Variants in NRXN3 observed in about 807,000 individuals in gnomAD.
NRXN3 encodes the protein neurexin III.
NRXN3 carries 32 observed loss-of-function variants against 137.6 expected under a neutral mutation model. The observed-to-expected ratio is 0.23, with a 90% confidence interval of 0.18 to 0.31. NRXN3 has a LOEUF of 0.31. Among genes scored for constraint, NRXN3 ranks in the 10% least tolerant of loss-of-function variants. The pLI, the probability that NRXN3 is intolerant of heterozygous loss-of-function variation, is 1.00. For synonymous variants in NRXN3, 798 were observed against 784.5 expected (o/e 1.02, Z -0.29); for missense variants, 1,574 against 2,062.5 (o/e 0.76, Z 4.59).
At chr14:79,126,359 G>A (rs61992505) in intron 15 of NRXN3, among the ~76,000 whole-genome samples, 42 of 130,166 alleles carry the variant, frequency 3.2e-4, no homozygotes, top group African/African-American at 7.8e-4. Flanking sequence ...AGAGTGTGAT[G>A]TTCCCCTTCC....
At chr14:78,994,224 G>T (rs73317271) in intron 15 of NRXN3, among the ~76,000 whole-genome samples, 16,808 of 152,052 alleles carry the variant, frequency 0.11, 2,608 homozygotes, top group African/African-American at 0.35. Flanking sequence ...AAGGTAGCGT[G>T]CCAGCAGGCA....
chr14:79,621,036 G>A (rs923053354), intron 16 of NRXN3, among the ~76,000 whole-genome samples: 1 of 151,976 alleles, frequency 6.6e-6, no homozygotes, highest in Non-Finnish European at 1.5e-5. Flanking sequence ...GCATTTCTGG[G>A]GCTAAGGAGT....
At chr14:78,959,727 C>T (rs1298182783) in intron 11 of NRXN3, among the ~76,000 whole-genome samples, 4 of 152,158 alleles carry the variant, frequency 2.6e-5, no homozygotes, top group African/African-American at 9.7e-5. Flanking sequence ...CACTATTTAG[C>T]GCCCGCAGCC....
chr14:79,548,723 T>A (rs1453526641), intron 16 of NRXN3, among the ~76,000 whole-genome samples: 1 of 147,584 alleles, frequency 6.8e-6, no homozygotes, highest in Non-Finnish European at 1.5e-5. Flanking sequence ...AGTCTATCCT[T>A]AAAGATACAG....
intron 6 of NRXN3, among the ~76,000 whole-genome samples, chr14:78,654,751 T>G (rs1164851737): frequency 6.6e-6 from 1 of 152,254 alleles, no homozygotes; most frequent in Non-Finnish European, 1.5e-5. Flanking sequence ...GTCTCATGTT[T>G]GTTCTTGTTG....
chr14:79,637,454 G>C (rs1363975574), intron 16 of NRXN3, among the ~76,000 whole-genome samples: 1 of 152,124 alleles, frequency 6.6e-6, no homozygotes, highest in African/African-American at 2.4e-5. Flanking sequence ...ATAGTGGAGG[G>C]AGAGCAGCAA....
chr14:78,916,216 T>A (rs187959282), intron 10 of NRXN3, among the ~76,000 whole-genome samples: 1 of 152,256 alleles, frequency 6.6e-6, no homozygotes, highest in East Asian at 1.9e-4. Context: ...ATTAAAGCAG[T>A]CTGGGGAAAC....
rs1308660612 is a variant in NRXN3, at chr14:79,470,947, AGAGAGTGTGTGTGT to A, written c.3444+3547_3444+3560del. Among the ~76,000 whole-genome samples, 379 of 102,712 alleles carry A rather than the reference AGAGAGTGTGTGTGT, an allele frequency of 3.7e-3. 1 individual carries two copies. The highest frequency in any genetic ancestry group is 4.3e-3 in the Middle Eastern group (1 of 232). The allele number at this position is 102,712 out of a possible 152,430, so 67.4% of individuals were successfully genotyped here. ...GAGAGAGAGAGAGAGAGAAAGAGAGAGAGAGTGTGTGTGTGTGTGTGTGTGTGTGTGTGTGTGTG... is the reference window on the plus strand; with the variant it reads ...GAGAGAGAGAGAGAGAGAAAGAGAGAGTGTGTGTGTGTGTGTGTGTGTGTG... On this transcript the variant is annotated intron_variant, in intron 16 of 20. Transcript: ENST00000335750.
At chr14:79,708,503 T>TC (rs953654172) in intron 19 of NRXN3, among the ~76,000 whole-genome samples, 2 of 151,744 alleles carry the variant, frequency 1.3e-5, no homozygotes, top group Non-Finnish European at 2.9e-5. Context: ...GAATTGTTTT[T>TC]TTTTTTTCTG....
At chr14:79,857,769 T>G (rs1284059764) in intron 20 of NRXN3, among the ~76,000 whole-genome samples, 1 of 152,204 alleles carries the variant, frequency 6.6e-6, no homozygotes, top group African/African-American at 2.4e-5. Flanking sequence ...CCCCGTGTAC[T>G]GCAGTTGACT....
At chr14:79,178,929 A>G (rs2062635603) in intron 15 of NRXN3, among the ~76,000 whole-genome samples, 1 of 152,072 alleles carries the variant, frequency 6.6e-6, no homozygotes, top group Admixed American at 6.6e-5. Context: ...ACCACTCAGC[A>G]TTTTCCTTGG....
intron 7 of NRXN3, chr14:78,709,860 C>T: frequency 1.7e-6 from 1 of 574,696 alleles, no homozygotes; most frequent in Non-Finnish European, 3.1e-6. Flanking sequence ...TCTCTTGTCA[C>T]TCACTGCGCA....
chr14:79,598,118 A>C (rs950357059), intron 16 of NRXN3, among the ~76,000 whole-genome samples: 1 of 152,220 alleles, frequency 6.6e-6, no homozygotes, highest in Non-Finnish European at 1.5e-5. Flanking sequence ...AGGAAGAGGA[A>C]TAAAGGGTAA....
At chr14:78,192,107 T>TGAGAGA (rs3220428) in intron 1 of NRXN3, among the ~76,000 whole-genome samples, 1,941 of 140,440 alleles carry the variant, frequency 0.014, 55 homozygotes, top group African/African-American at 0.048. Context: ...TGTGTGTGTG[T>TGAGAGA]GAGAGAGAGA....
intron 1 of NRXN3, among the ~76,000 whole-genome samples, chr14:78,172,506 TG>T (rs1476202465): frequency 6.6e-6 from 1 of 152,184 alleles, no homozygotes; most frequent in East Asian, 1.9e-4. Flanking sequence ...CTAAGTCATA[TG>T]GGGCAAACGA....
intron 10 of NRXN3, among the ~76,000 whole-genome samples, chr14:78,837,022 C>T (rs2098999045): frequency 6.6e-6 from 1 of 152,100 alleles, no homozygotes; most frequent in Admixed American, 6.5e-5. Context: ...CTTGTTAACC[C>T]ACATCGCCAC....
At chr14:79,286,665 T>A (rs2082319639) in intron 15 of NRXN3, among the ~76,000 whole-genome samples, 1 of 151,586 alleles carries the variant, frequency 6.6e-6, no homozygotes, top group Admixed American at 6.6e-5. Flanking sequence ...TCAAAATGCG[T>A]GCTGATGTTG....
At chr14:79,813,409 C>A (rs553897705) in intron 20 of NRXN3, among the ~76,000 whole-genome samples, 208 of 151,914 alleles carry the variant, frequency 1.4e-3, no homozygotes, top group Non-Finnish European at 2.0e-3. Flanking sequence ...CATCTTGTGC[C>A]GCATGAATTT....
At chr14:78,222,395 C>T (rs1430068944) in intron 1 of NRXN3, among the ~76,000 whole-genome samples, 2 of 152,140 alleles carry the variant, frequency 1.3e-5, no homozygotes, top group African/African-American at 4.8e-5. Flanking sequence ...GGTAAACTCC[C>T]ACAAAGCCTT....
Sources: allele counts gnomAD v4.1 joint callset (sites outside exome capture counted in the v4.1 genomes callset), GRCh38; gene constraint gnomAD v4.1.1; transcripts MANE v1.5; gene names NCBI Gene and HGNC (gene_info 2026-07-23, HGNC 2026-07-21).